TRAP1: variants seen among roughly 807,000 people sequenced by gnomAD.
The protein encoded by TRAP1 is heat shock protein 75 kDa, mitochondrial.
A neutral mutation model predicts 89.1 loss-of-function variants in TRAP1; 102 were observed. The ratio of observed to expected loss-of-function variants is 1.15; its 90% CI spans 0.98 to 1.35. The LOEUF (loss-of-function observed/expected upper bound fraction) is 1.35. Ranked by LOEUF, TRAP1 falls within the 40% of genes most tolerant of loss-of-function variation. The pLI is 0.00. For missense variants in TRAP1, 1,256 were observed against 945.3 expected, an observed-to-expected ratio of 1.33 and a Z score of -4.31; for synonymous variants, 508 against 388.0, an observed-to-expected ratio of 1.31 and a Z score of -3.64.
chr16:3,663,309 G>T (rs1184405928), intron 14 of TRAP1, 115 bp downstream of exon 14: 8 of 1,393,794 alleles, frequency 5.7e-6, no homozygotes, highest in South Asian at 4.0e-5. Context: ...TCTTCTCGGG[G>T]GTGGCTGAGC....
At chr16:3,668,657 T>C (rs1567227278) in intron 11 of TRAP1, among the ~76,000 whole-genome samples, 2 of 152,252 alleles carry the variant, frequency 1.3e-5, no homozygotes, top group East Asian at 1.9e-4. Flanking sequence ...AACGCAACCT[T>C]TGACAACCAC....
rs79577663 is a variant in TRAP1 at position 3,703,659 on chromosome 16, G to C, written c.89-12674C>G. Reference sequence around the variant, plus strand: ...TTTTCATCAGATATACCTCTGTATCGTTTGCATATTGGACTACATATATCA... The same window carrying C: ...TTTTCATCAGATATACCTCTGTATCCTTTGCATATTGGACTACATATATCA... On this transcript the variant is annotated intron_variant, in intron 1 of 17. Coordinates refer to ENST00000246957, the MANE Select transcript of TRAP1 (RefSeq NM_016292.3). Among the ~76,000 whole-genome samples, 158 of 152,068 alleles carry C rather than the reference G, an allele frequency of 1.0e-3. 1 individual carries two copies. The East Asian group carries it at 0.027, about 26-fold the overall frequency.
chr16:3,667,978 G>C (rs60970921), intron 11 of TRAP1, among the ~76,000 whole-genome samples: 4 of 146,676 alleles, frequency 2.7e-5, no homozygotes, highest in East Asian at 2.1e-4. Flanking sequence ...GCCCAGGCTG[G>C]AGTGCAGTGG....
At chr16:3,690,675 T>C (rs2051201479) in intron 2 of TRAP1, 152 bp downstream of exon 2, 4 of 832,190 alleles carry the variant, frequency 4.8e-6, no homozygotes, top group East Asian at 3.0e-5. Context: ...GGGACAGAAA[T>C]GGAGGGCGCA....
At chr16:3,690,423 G>C (rs912181860) in intron 2 of TRAP1, among the ~76,000 whole-genome samples, 5 of 152,188 alleles carry the variant, frequency 3.3e-5, no homozygotes, top group African/African-American at 1.2e-4. Context: ...TTAAAAGCCA[G>C]AAATGGAGCC....
intron 4 of TRAP1, among the ~76,000 whole-genome samples, chr16:3,685,238 C>A (rs1486343148): frequency 6.6e-6 from 1 of 152,194 alleles, no homozygotes; most frequent in Non-Finnish European, 1.5e-5. Context: ...AGGGCTATGA[C>A]AAACAGCTGG....
intron 1 of TRAP1, among the ~76,000 whole-genome samples, chr16:3,709,412 T>C (rs1220701713): frequency 6.6e-6 from 1 of 152,172 alleles, no homozygotes; most frequent in Admixed American, 6.6e-5. Flanking sequence ...TTTTAAATAC[T>C]GTCATTCTAG....
intron 1 of TRAP1, among the ~76,000 whole-genome samples, chr16:3,706,100 A>C (rs1277628172): frequency 6.7e-6 from 1 of 149,088 alleles, no homozygotes; most frequent in Non-Finnish European, 1.5e-5. Context: ...CTGCTGAGGC[A>C]CCCGCCACCA....
chr16:3,716,000 T>G (rs1013712236), intron 1 of TRAP1, among the ~76,000 whole-genome samples: 13 of 152,070 alleles, frequency 8.5e-5, no homozygotes, highest in African/African-American at 3.1e-4. Flanking sequence ...GAAGCTGGGA[T>G]TACAGGCGCG....
intron 14 of TRAP1, 67 bp from the exon 15 acceptor site, chr16:3,663,034 C>A (rs1017014978): frequency 7.0e-6 from 9 of 1,288,288 alleles, no homozygotes; most frequent in Non-Finnish European, 9.7e-6. Context: ...ATGGGGGCCA[C>A]GCAGCATGCT....
Position 3,690,835 on chromosome 16 carries a change from C to T in TRAP1, c.239G>A (p.Ser80Asn), listed in dbSNP as rs751382403. The T allele has an allele frequency of 4.0e-6, 6 of 1,508,488 alleles. No individual in the cohort carries two copies. In the Admixed American group the frequency reaches 6.4e-5, roughly 16 times the overall value. 93.4% of individuals were successfully genotyped at this position (1,508,488 alleles called of 1,614,324 possible). Reference sequence around the variant, plus strand: ...GCACGAGCCAAGGCTACCCTGCACGCTCTCTGTGCTGCTGATAATCGAGTG... The same window carrying T: ...GCACGAGCCAAGGCTACCCTGCACGTTCTCTGTGCTGCTGATAATCGAGTG... ...PLHSIISSTE[S>N]VQGSTSKHEF... Residue 80 changes from serine (S) to asparagine (N), a missense_variant, in exon 2 of 18, where the codon AGC becomes AAC. Coordinates refer to ENST00000246957, the MANE Select transcript of TRAP1 (RefSeq NM_016292.3).
chr16:3,716,450 C>T (rs2051598908), intron 1 of TRAP1, among the ~76,000 whole-genome samples: 1 of 152,184 alleles, frequency 6.6e-6, no homozygotes, highest in Admixed American at 6.5e-5. Context: ...ACCTTTATTG[C>T]GTCCACTAAT....
intron 12 of TRAP1, chr16:3,665,608 C>G (rs1031999983): frequency 5.9e-5 from 14 of 235,708 alleles, no homozygotes; most frequent in Non-Finnish European, 1.2e-4. Context: ...ACTTCCCCAC[C>G]CACGGGATCG....
In TRAP1 at chr16:3,672,893, C is replaced by T. The variant is rs2050934187; in HGVS notation, c.1045-73G>A. On this transcript the variant is annotated intron_variant, in intron 9 of 17. Coordinates refer to ENST00000246957, the MANE Select transcript of TRAP1 (RefSeq NM_016292.3). ...GCAGGCCCTGGCTGGGAGGTGGGGG[C>T]GGACACGATGAATCCAGAGCCCACT... 57 of 1,529,874 alleles carry T rather than the reference C, an allele frequency of 3.7e-5. No individual in the cohort carries two copies. In the South Asian group the frequency reaches 5.9e-4, roughly 16 times the overall value. The allele number at this position is 1,529,874 out of a possible 1,614,324, so 94.8% of individuals were successfully genotyped here.
chr16:3,665,832 C>T (rs2050817948), intron 12 of TRAP1, 139 bp downstream of exon 12: 2 of 1,129,128 alleles, frequency 1.8e-6, no homozygotes, highest in Admixed American at 2.9e-5. Flanking sequence ...CTTCCATTTC[C>T]TGACCCTGGT....
intron 11 of TRAP1, among the ~76,000 whole-genome samples, chr16:3,671,174 C>T (rs1343330482): frequency 6.6e-6 from 1 of 152,184 alleles, no homozygotes; most frequent in Non-Finnish European, 1.5e-5. Context: ...CCTCTGAAAC[C>T]TGCCCTATGT....
At chr16:3,661,808 G>C (rs917561009) in intron 16 of TRAP1, 179 bp downstream of exon 16, 13 of 715,510 alleles carry the variant, frequency 1.8e-5, no homozygotes, top group Admixed American at 1.2e-4. Flanking sequence ...ATGGTAAGGG[G>C]CTGGCCAGGT....
In TRAP1 at chr16:3,658,102, G is replaced by A. The variant is rs2042819335; in HGVS notation, c.*27C>T. On this transcript the variant is annotated 3_prime_UTR_variant, in exon 18 of 18. Coordinates refer to ENST00000246957, the MANE Select transcript of TRAP1 (RefSeq NM_016292.3). Reference sequence around the variant, plus strand: ...CAAGGAGGTGGGGCTGTCATCTGTGGTGTCAGTCCTTCTGGCCCCCTGGCT... The same window carrying A: ...CAAGGAGGTGGGGCTGTCATCTGTGATGTCAGTCCTTCTGGCCCCCTGGCT... The A allele has an allele frequency of 6.2e-7, 1 of 1,611,076 alleles. No homozygotes were observed. Among genetic ancestry groups the A allele is most frequent in the Non-Finnish European group, 8.5e-7 (1 of 1,177,366 alleles).
intron 1 of TRAP1, among the ~76,000 whole-genome samples, chr16:3,691,729 T>C (rs1231668370): frequency 7.1e-6 from 1 of 140,220 alleles, no homozygotes; most frequent in Non-Finnish European, 1.6e-5. Context: ...AACTGTCTCA[T>C]CTTCTAAAAG....
Sources: allele counts gnomAD v4.1 joint callset (sites outside exome capture counted in the v4.1 genomes callset), GRCh38; gene constraint gnomAD v4.1.1; transcripts MANE v1.5; gene names NCBI Gene and HGNC (gene_info 2026-07-23, HGNC 2026-07-21).